The following CLASP1 variants were observed in gnomAD, a reference collection of about 807,000 sequenced individuals.
CLASP1 encodes CLIP-associating protein 1.
CLASP1 carries 38 observed loss-of-function variants against 192.3 expected under a neutral mutation model. The observed-to-expected ratio is 0.20, with a 90% CI of 0.15 to 0.26. CLASP1 has a LOEUF of 0.26. Among genes scored for constraint, CLASP1 ranks in the 10% least tolerant of loss-of-function variants. CLASP1 has a pLI of 1.00. For missense variants in CLASP1, 1,433 were observed against 1,932.5 expected, an observed-to-expected ratio of 0.74 and a Z score of 4.85; for synonymous variants, 691 against 712.8, an observed-to-expected ratio of 0.97 and a Z score of 0.49.
At chr2:121,574,460 C>A (rs2060287707) in intron 2 of CLASP1, among the ~76,000 whole-genome samples, 1 of 151,720 alleles carries the variant, frequency 6.6e-6, no homozygotes, top group South Asian at 2.1e-4. Context: ...CGTGGTGAAA[C>A]CCTGTCTCCA....
intron 1 of CLASP1, among the ~76,000 whole-genome samples, chr2:121,608,956 T>C (rs1415334655): frequency 6.6e-6 from 1 of 152,214 alleles, no homozygotes; most frequent in Non-Finnish European, 1.5e-5. Context: ...TATAATACTA[T>C]CTCTAATTCT....
rs145637135 is a variant in CLASP1, at chr2:121,599,021, C to T, written c.195+6680G>A. ...CTGGGACTATACGTGCGTGCCACCACGCCCGGCTGACTTTTGTATTTTTAG... is the reference window on the plus strand; with the variant it reads ...CTGGGACTATACGTGCGTGCCACCATGCCCGGCTGACTTTTGTATTTTTAG... On this transcript the variant is annotated intron_variant, in intron 2 of 39. Transcript: ENST00000263710. 4.2e-3 allele frequency among the ~76,000 whole-genome samples: 637 copies of T among 152,106 alleles called. 5 individuals are homozygous for T. Among genetic ancestry groups the T allele is most frequent in the African/African-American group, 0.015 (617 of 41,486 alleles).
intron 8 of CLASP1, among the ~76,000 whole-genome samples, chr2:121,482,096 G>A (rs1048809633): frequency 2.6e-5 from 4 of 152,124 alleles, no homozygotes; most frequent in African/African-American, 7.2e-5. Context: ...GAGTGTGAGC[G>A]GCTTTAAATG....
intron 1 of CLASP1, among the ~76,000 whole-genome samples, chr2:121,636,530 T>C (rs1402994621): frequency 6.7e-6 from 1 of 148,650 alleles, no homozygotes; most frequent in African/African-American, 2.5e-5. Flanking sequence ...CAGGGTGAGG[T>C]GGCTCATGCC....
Position 121,530,880 on chromosome 2 carries a change from A to G in CLASP1, c.196-555T>C, listed in dbSNP as rs769805188. ...TTGCAGCCCAGGGACTTTCTATTAT[A>G]ACCATCCTTTTCTTGGGGTTGCGCT... On this transcript the variant is annotated intron_variant, in intron 2 of 39. Coordinates refer to ENST00000263710, the Ensembl canonical transcript of CLASP1. The G allele has an allele frequency of 1.4e-5, 10 of 691,936 alleles. No individual in the cohort carries two copies. Among genetic ancestry groups the G allele is most frequent in the African/African-American group, 3.5e-5 (2 of 56,944 alleles). 42.9% of individuals were successfully genotyped at this position (691,936 alleles called of 1,614,324 possible). A position where few individuals can be genotyped will look rare whatever the true frequency, so the allele number is the denominator to read the frequency against.
chr2:121,389,316 C>T (rs1404520357), intron 30 of CLASP1, among the ~76,000 whole-genome samples: 1 of 152,028 alleles, frequency 6.6e-6, no homozygotes, highest in Non-Finnish European at 1.5e-5. Flanking sequence ...CTAAAATACA[C>T]TTTTCTGCAT....
intron 23 of CLASP1, among the ~76,000 whole-genome samples, chr2:121,417,291 AGT>A (rs1202280633): frequency 3.3e-5 from 5 of 152,216 alleles, no homozygotes; most frequent in Admixed American, 6.5e-5. Context: ...CAAAAATAAC[AGT>A]ACATATTTGA....
At chr2:121,547,708 G>A (rs142527377) in intron 2 of CLASP1, among the ~76,000 whole-genome samples, 6 of 152,186 alleles carry the variant, frequency 3.9e-5, no homozygotes, top group African/African-American at 7.2e-5. Flanking sequence ...GAGGGAACAC[G>A]GCTGCAACTG....
intron 1 of CLASP1, among the ~76,000 whole-genome samples, chr2:121,616,357 GA>G (rs2066464102): frequency 6.6e-6 from 1 of 152,146 alleles, no homozygotes; most frequent in South Asian, 2.1e-4. Context: ...TGAGACAATA[GA>G]ATCGCTTGAA....
intron 1 of CLASP1, among the ~76,000 whole-genome samples, chr2:121,613,785 C>G (rs916795035): frequency 2.6e-5 from 4 of 152,136 alleles, no homozygotes; most frequent in African/African-American, 9.7e-5. Context: ...CTGTAGACTT[C>G]TTTGTAAGAA....
At chr2:121,531,110 T>G (rs1019805057) in intron 2 of CLASP1, 3 of 639,070 alleles carry the variant, frequency 4.7e-6, no homozygotes, top group South Asian at 1.6e-5. Context: ...AGACGCGTGG[T>G]TTTAGTGTCG....
chr2:121,585,769 T>C (rs1216722369), intron 2 of CLASP1, among the ~76,000 whole-genome samples: 1 of 151,976 alleles, frequency 6.6e-6, no homozygotes, highest in Non-Finnish European at 1.5e-5. Flanking sequence ...CGGTCGTGCG[T>C]ACCTGTAGTC....
intron 2 of CLASP1, among the ~76,000 whole-genome samples, chr2:121,592,301 T>C (rs971364532): frequency 6.6e-6 from 1 of 152,236 alleles, no homozygotes; most frequent in African/African-American, 2.4e-5. Context: ...TTATGAAAAC[T>C]TTCAGGTAGC....
chr2:121,528,511 A>G (rs1035331261), intron 4 of CLASP1, among the ~76,000 whole-genome samples, 166 bp downstream of exon 4: 1 of 152,254 alleles, frequency 6.6e-6, no homozygotes, highest in Non-Finnish European at 1.5e-5. Context: ...ACTTATTTAA[A>G]TATCTTGCAT....
At chr2:121,509,202 G>T (rs1181168140) in intron 7 of CLASP1, among the ~76,000 whole-genome samples, 1 of 152,030 alleles carries the variant, frequency 6.6e-6, no homozygotes, top group African/African-American at 2.4e-5. Context: ...TTAAGACAGG[G>T]TCTCTCTCTG....
At chr2:121,520,823 C>CA (rs1575622188) in intron 6 of CLASP1, among the ~76,000 whole-genome samples, 1 of 152,304 alleles carries the variant, frequency 6.6e-6, no homozygotes, top group South Asian at 2.1e-4. Context: ...TCAACAAGCA[C>CA]AGACTTCGTA....
At chr2:121,446,475 T>C (rs915018870) in intron 19 of CLASP1, among the ~76,000 whole-genome samples, 9 of 152,196 alleles carry the variant, frequency 5.9e-5, no homozygotes, top group African/African-American at 2.2e-4. Flanking sequence ...GACTCTGGAA[T>C]TTGTCTGAAA....
intron 22 of CLASP1, among the ~76,000 whole-genome samples, chr2:121,421,902 G>T (rs1341314040): frequency 6.6e-6 from 1 of 152,138 alleles, no homozygotes; most frequent in African/African-American, 2.4e-5. Flanking sequence ...AAAACTAAAA[G>T]AAGAAAATCC....
At chr2:121,507,062 C>G (rs1480754650) in intron 7 of CLASP1, among the ~76,000 whole-genome samples, 1 of 152,014 alleles carries the variant, frequency 6.6e-6, no homozygotes, top group African/African-American at 2.4e-5. Flanking sequence ...ATGGCCCATA[C>G]AAAGGAAATA....
Sources: gnomAD v4.1 joint callset for allele counts (sites outside exome capture counted in the v4.1 genomes callset) on GRCh38, gnomAD v4.1.1 for gene constraint, MANE v1.5 for transcripts, NCBI Gene and HGNC (gene_info 2026-07-23, HGNC 2026-07-21) for gene names.